The following RBFOX1 variants were observed in gnomAD, a reference collection of about 807,000 sequenced individuals.
The protein encoded by RBFOX1 is RNA binding fox-1 homolog 1.
RBFOX1 carries 8 observed loss-of-function variants against 57.7 expected under a neutral mutation model. The ratio of observed to expected loss-of-function variants is 0.14; its 90% CI spans 0.08 to 0.25. The LOEUF (loss-of-function observed/expected upper bound fraction) is 0.25. Ranked by LOEUF, RBFOX1 falls within the 10% of genes least tolerant of loss-of-function variation. The pLI is 1.00. For missense variants in RBFOX1, 611 were observed against 548.5 expected, an observed-to-expected ratio of 1.11 and a Z score of -1.14; for synonymous variants, 326 against 222.4, an observed-to-expected ratio of 1.47 and a Z score of -4.15.
At chr16:6,483,857 A>C in intron 2 of RBFOX1, 1 of 1,194,420 alleles carries the variant, frequency 8.4e-7, no homozygotes, top group Non-Finnish European at 1.0e-6. Context: ...GGAATCCGGG[A>C]AACCCAAACC....
chr16:6,379,086 T>A (rs922852583), intron 2 of RBFOX1, among the ~76,000 whole-genome samples: 1 of 152,124 alleles, frequency 6.6e-6, no homozygotes, highest in Non-Finnish European at 1.5e-5. Flanking sequence ...GATGCCCAGC[T>A]TTCTAAACTG....
intron 1 of RBFOX1, among the ~76,000 whole-genome samples, chr16:6,024,119 T>A (rs896287568): frequency 1.3e-5 from 2 of 152,222 alleles, no homozygotes; most frequent in Non-Finnish European, 2.9e-5. Flanking sequence ...TTTGTCATTG[T>A]TCGCTAGTCA....
intron 3 of RBFOX1, among the ~76,000 whole-genome samples, chr16:6,726,664 C>T (rs1022514113): frequency 5.3e-5 from 8 of 152,166 alleles, no homozygotes; most frequent in African/African-American, 1.9e-4. Flanking sequence ...AGAGAACTAG[C>T]TTGCTGATCA....
intron 2 of RBFOX1, among the ~76,000 whole-genome samples, chr16:5,551,163 C>T (rs1233166665): frequency 3.3e-5 from 5 of 152,200 alleles, no homozygotes; most frequent in Non-Finnish European, 1.5e-5. Context: ...TTTCTTCTGG[C>T]TTGAGATAAG....
chr16:6,785,944 G>C (rs2081886832), intron 3 of RBFOX1, among the ~76,000 whole-genome samples: 1 of 152,214 alleles, frequency 6.6e-6, no homozygotes. Flanking sequence ...GTACATGCAT[G>C]TGACTTCCCA....
chr16:6,443,616 G>C (rs929103084), intron 2 of RBFOX1, among the ~76,000 whole-genome samples: 2 of 152,196 alleles, frequency 1.3e-5, no homozygotes, highest in African/African-American at 2.4e-5. Context: ...TCATTGATGA[G>C]AGTCTCTAAG....
chr16:5,342,525 A>C (rs1167358176), intron 1 of RBFOX1, among the ~76,000 whole-genome samples: 1 of 152,174 alleles, frequency 6.6e-6, no homozygotes, highest in African/African-American at 2.4e-5. Context: ...CTATTTCCCA[A>C]AGTTCCTGCA....
chr16:6,009,407 G>A (rs1205606822), intron 4 of RBFOX1, among the ~76,000 whole-genome samples: 1 of 152,158 alleles, frequency 6.6e-6, no homozygotes, highest in Non-Finnish European at 1.5e-5. Flanking sequence ...AAGAATTTCT[G>A]ATGCCTAATT....
At chr16:7,213,204 C>G (rs1421652768) in intron 4 of RBFOX1, among the ~76,000 whole-genome samples, 1 of 152,152 alleles carries the variant, frequency 6.6e-6, no homozygotes, top group South Asian at 2.1e-4. Context: ...TTACACGGAA[C>G]AATATCTGGG....
chr16:7,190,291 G>T (rs1389715088), intron 4 of RBFOX1, among the ~76,000 whole-genome samples: 1 of 152,096 alleles, frequency 6.6e-6, no homozygotes, highest in Non-Finnish European at 1.5e-5. Context: ...CGCAGGAGGC[G>T]GAGGTTGCAG....
At chr16:6,824,449 A>G (rs1015195159) in intron 3 of RBFOX1, among the ~76,000 whole-genome samples, 7 of 152,228 alleles carry the variant, frequency 4.6e-5, no homozygotes, top group East Asian at 1.9e-4. Context: ...GCAACTCAAG[A>G]TGTTCTATTG....
chr16:7,319,177 A>G (rs1243443573), intron 4 of RBFOX1, among the ~76,000 whole-genome samples: 2 of 152,156 alleles, frequency 1.3e-5, no homozygotes, highest in African/African-American at 4.8e-5. Flanking sequence ...CCAGCCAGGG[A>G]ATCTCCAAGG....
intron 1 of RBFOX1, among the ~76,000 whole-genome samples, chr16:6,187,185 T>A (rs181008301): frequency 2.6e-5 from 4 of 152,194 alleles, no homozygotes; most frequent in African/African-American, 9.6e-5. Flanking sequence ...GATGCTTTCA[T>A]GGGGGAAACA....
intron 4 of RBFOX1, among the ~76,000 whole-genome samples, chr16:7,122,620 A>G (rs1049622353): frequency 6.6e-6 from 1 of 152,166 alleles, no homozygotes; most frequent in African/African-American, 2.4e-5. Context: ...TACTGCTGGT[A>G]GGAACATAGA....
intron 3 of RBFOX1, among the ~76,000 whole-genome samples, chr16:6,804,541 T>A (rs1396537205): frequency 6.6e-6 from 1 of 152,134 alleles, no homozygotes; most frequent in African/African-American, 2.4e-5. Context: ...AATTCTAAAT[T>A]GGACTCTAAA....
intron 4 of RBFOX1, among the ~76,000 whole-genome samples, chr16:7,060,683 C>G (rs1244509235): frequency 2.6e-5 from 4 of 152,172 alleles, no homozygotes; most frequent in African/African-American, 9.7e-5. Context: ...TTGGATCCCC[C>G]AGCAAGTAAT....
intron 2 of RBFOX1, among the ~76,000 whole-genome samples, chr16:6,349,022 G>A (rs1339398648): frequency 1.3e-5 from 2 of 152,172 alleles, no homozygotes; most frequent in Non-Finnish European, 1.5e-5. Flanking sequence ...GATTTTATCA[G>A]GATCTTACAG....
intron 4 of RBFOX1, among the ~76,000 whole-genome samples, chr16:5,886,719 C>G (rs113465822): frequency 6.6e-6 from 1 of 152,160 alleles, no homozygotes; most frequent in Non-Finnish European, 1.5e-5. Context: ...GAAACCCTGT[C>G]TCTACTTAAA....
chr16:5,299,674 A>G (rs183210430), intron 1 of RBFOX1, among the ~76,000 whole-genome samples: 152 of 152,342 alleles, frequency 1.0e-3, no homozygotes, highest in African/African-American at 1.2e-3. Context: ...TTGTAACTCA[A>G]TTTGGTGAGC....
Sources: gnomAD v4.1 joint callset for allele counts (sites outside exome capture counted in the v4.1 genomes callset) on GRCh38, gnomAD v4.1.1 for gene constraint, MANE v1.5 for transcripts, NCBI Gene and HGNC (gene_info 2026-07-23, HGNC 2026-07-21) for gene names.